ZNF608: variants seen among roughly 807,000 people sequenced by gnomAD.
ZNF608 encodes the protein zinc finger protein 608, also known as renal carcinoma antigen NY-REN-36.
ZNF608 carries 12 observed loss-of-function variants against 109.0 expected under a neutral mutation model. The ratio of observed to expected loss-of-function variants is 0.11; its 90% CI spans 0.07 to 0.18. The LOEUF (loss-of-function observed/expected upper bound fraction) is 0.18, where lower values mean the gene tolerates loss of function less well. Ranked by LOEUF, ZNF608 falls within the 10% of genes least tolerant of loss-of-function variation. ZNF608 has a pLI of 1.00. For missense variants in ZNF608, 1,707 were observed against 1,879.3 expected, an observed-to-expected ratio of 0.91 and a Z score of 1.70; for synonymous variants, 732 against 717.4, an observed-to-expected ratio of 1.02 and a Z score of -0.33.
chr5:124,676,051 G>A (rs756268180), intron 3 of ZNF608, among the ~76,000 whole-genome samples: 7 of 152,298 alleles, frequency 4.6e-5, no homozygotes, highest in Middle Eastern at 6.8e-3. Flanking sequence ...CAGAAGTAGA[G>A]ATGTAGCATT....
At chr5:124,739,416 T>C (rs1405826251) in intron 2 of ZNF608, among the ~76,000 whole-genome samples, 1 of 152,172 alleles carries the variant, frequency 6.6e-6, no homozygotes, top group Non-Finnish European at 1.5e-5. Context: ...CACAGCAATA[T>C]CACACACAAT....
At chr5:124,721,003 AATC>A (rs1753880808) in intron 2 of ZNF608, among the ~76,000 whole-genome samples, 1 of 152,180 alleles carries the variant, frequency 6.6e-6, no homozygotes, top group African/African-American at 2.4e-5. Flanking sequence ...ATAACAAAGA[AATC>A]ATCAGACAAA....
chr5:124,649,794 G>C (rs1750700409), intron 3 of ZNF608, 97 bp from the exon 4 acceptor site: 2 of 580,048 alleles, frequency 3.4e-6, no homozygotes, highest in Non-Finnish European at 5.7e-6. Flanking sequence ...TTGCCAGCAA[G>C]TTCTATTCTC....
chr5:124,682,780 T>C (rs994146209), intron 3 of ZNF608, among the ~76,000 whole-genome samples: 1 of 152,234 alleles, frequency 6.6e-6, no homozygotes, highest in Non-Finnish European at 1.5e-5. Flanking sequence ...AACATGACTG[T>C]GCTGTAGTCA....
intron 2 of ZNF608, among the ~76,000 whole-genome samples, chr5:124,730,882 G>T (rs1293971113): frequency 2.6e-5 from 4 of 152,304 alleles, no homozygotes; most frequent in Admixed American, 1.3e-4. Flanking sequence ...TCGGGGGGTT[G>T]TTTTTTAAAT....
In ZNF608 at chr5:124,644,403, A is replaced by G. The variant is rs1750398614; in HGVS notation, c.3964T>C (p.Trp1322Arg). 1 of 1,614,056 alleles carries G rather than the reference A, an allele frequency of 6.2e-7. No individual in the cohort carries two copies. The highest frequency in any genetic ancestry group is 8.5e-7 in the Non-Finnish European group (1 of 1,180,012). The change falls in exon 6 of 10, where the codon TGG (tryptophan) becomes CGG (arginine). Residue 1322 changes from tryptophan to arginine, a missense_variant. Transcript: ENST00000513986. The stretch of plus-strand genomic sequence containing the variant: ...ACTCTTGTTCCCCGAGAGTCCTTCC[A>G]GTTCACAGGAGTCTTTCGATCATCA... ...KNDDRKTPVNWKDSRGTRVAV... is the reference protein window; with the variant it reads ...KNDDRKTPVNRKDSRGTRVAV...
At chr5:124,644,202 T>C (rs774753861) in intron 6 of ZNF608, 42 bp downstream of exon 6, 1 of 1,504,584 alleles carries the variant, frequency 6.6e-7, no homozygotes, top group South Asian at 1.4e-5. Flanking sequence ...TATTTGAACA[T>C]CGCCTCTTTC....
chr5:124,689,958 C>T (rs1303968485), intron 3 of ZNF608, among the ~76,000 whole-genome samples: 1 of 152,160 alleles, frequency 6.6e-6, no homozygotes. Context: ...TAATTGCCAA[C>T]CTTGGAAGTT....
In ZNF608 at chr5:124,643,648, A is replaced by C. The variant is rs774808688; in HGVS notation, c.4159T>G (p.Tyr1387Asp). 4.3e-6 allele frequency: 7 copies of C among 1,614,080 alleles called. No individual in the cohort carries two copies. In the East Asian group the frequency reaches 1.3e-4, roughly 31 times the overall value. ...YLSPGFHYPV[Y>D]GKMSGREETE... ...TCTTCTCTCCCTGACATCTTCCCAT[A>C]AACAGGATAATGAAATCCTGGAGAG... The change falls in exon 7 of 10, where the codon TAT becomes GAT. Residue 1387 changes from tyrosine to aspartate, a missense_variant. Physicochemically the swap from Tyr to Asp is radical, Grantham distance 160. Around this residue, in one of 7 missense-constraint regions of ZNF608, gnomAD observed 1,073 missense variants for 1,133.5 expected, o/e 0.95. Transcript: ENST00000513986.
chr5:124,675,945 G>A (rs1457181352), intron 3 of ZNF608, among the ~76,000 whole-genome samples: 1 of 152,164 alleles, frequency 6.6e-6, no homozygotes, highest in Non-Finnish European at 1.5e-5. Flanking sequence ...AGGGAGTCAA[G>A]AAATGCCTTT....
chr5:124,650,522 TCAGA>T (rs1247250566), intron 3 of ZNF608, among the ~76,000 whole-genome samples: 4 of 152,230 alleles, frequency 2.6e-5, no homozygotes, highest in Non-Finnish European at 4.4e-5. Flanking sequence ...CAACTGCTTT[TCAGA>T]CAGACAATTT....
In ZNF608 at chr5:124,647,665, T is replaced by C; in HGVS notation, c.2719A>G (p.Ser907Gly). The change falls in exon 5 of 10, where the codon AGC (serine) becomes GGC (glycine). Residue 907 changes from serine to glycine, a missense_variant. By Grantham distance (56) the Ser-to-Gly change is moderately conservative. Coordinates refer to ENST00000513986, the MANE Select transcript of ZNF608 (RefSeq NM_020747.3). ...SIGSASRLECSTLVNGQAPMA... is the reference protein window; with the variant it reads ...SIGSASRLECGTLVNGQAPMA... The stretch of plus-strand genomic sequence containing the variant: ...GGTGCCTGCCCGTTCACCAAAGTGC[T>C]GCATTCCAGCCTCGAGGCGCTCCCT... 6.2e-7 allele frequency: 1 copy of C among 1,614,238 alleles called. No individual in the cohort carries two copies. The highest frequency in any genetic ancestry group is 1.6e-4 in the Middle Eastern group (1 of 6,062).
intron 2 of ZNF608, among the ~76,000 whole-genome samples, chr5:124,703,827 A>T (rs1753152829): frequency 6.6e-6 from 1 of 152,154 alleles, no homozygotes; most frequent in African/African-American, 2.4e-5. Flanking sequence ...TATTGATGAC[A>T]TATCCTATCA....
chr5:124,684,202 T>A (rs1019801861), intron 3 of ZNF608, among the ~76,000 whole-genome samples: 2 of 152,270 alleles, frequency 1.3e-5, no homozygotes, highest in African/African-American at 4.8e-5. Context: ...GATGCTGGCA[T>A]GAAGAGCACC....
Position 124,744,319 on chromosome 5 carries a change from C to A in ZNF608, c.671G>T (p.Gly224Val), listed in dbSNP as rs368776423. The A allele has an allele frequency of 1.7e-5, 27 of 1,614,082 alleles. No individual in the cohort carries two copies. The highest frequency in any genetic ancestry group is 2.2e-5 in the Non-Finnish European group (26 of 1,180,046). The change falls in exon 2 of 10, where the codon GGC becomes GTC. Residue 224 changes from glycine (G) to valine (V), a missense_variant. Physicochemically the swap from Gly to Val is moderately radical, Grantham distance 109. Coordinates refer to ENST00000513986, the MANE Select transcript of ZNF608 (RefSeq NM_020747.3). The surrounding 1 kb of genome is among the most constrained non-coding windows in gnomAD (Gnocchi z 4.5). ...CCCGGAAGGGGCCTGGCTGCCACTG[C>A]CATTCTGGTGGCCCTGAAGCAGGTC... Reference protein sequence around the residue: ...KHDLLQGHQNGSGSQAPSGGH... With the variant: ...KHDLLQGHQNVSGSQAPSGGH...
chr5:124,642,692 C>CTTTTTT (rs755561532), intron 7 of ZNF608, among the ~76,000 whole-genome samples: 83 of 95,270 alleles, frequency 8.7e-4, no homozygotes, highest in African/African-American at 1.1e-3. Flanking sequence ...TTTCTATTGT[C>CTTTTTT]TTTTTTTTTT....
intron 3 of ZNF608, among the ~76,000 whole-genome samples, chr5:124,693,989 T>TTTTTTTTTTTTTTTTTG: frequency 7.9e-6 from 1 of 125,812 alleles, no homozygotes; most frequent in Non-Finnish European, 1.7e-5. Context: ...TTTTTTTTTT[T>TTTTTTTTTTTTTTTTTG]TTTTGAGAGA....
intron 2 of ZNF608, among the ~76,000 whole-genome samples, chr5:124,706,667 A>G (rs1408354414): frequency 6.6e-6 from 1 of 152,220 alleles, no homozygotes; most frequent in African/African-American, 2.4e-5. Context: ...TCATCTTGAT[A>G]GGACACTGAT....
chr5:124,686,093 G>A (rs1005236908), intron 3 of ZNF608, among the ~76,000 whole-genome samples: 1 of 152,162 alleles, frequency 6.6e-6, no homozygotes, highest in Non-Finnish European at 1.5e-5. Context: ...ATTTCCTAGA[G>A]GGTGTATACT....
Sources: gnomAD v4.1 joint callset for allele counts (sites outside exome capture counted in the v4.1 genomes callset) on GRCh38, gnomAD v4.1.1 for gene constraint, gnomAD v4.1.1 regional missense constraint, Gnocchi (gnomAD v3.1) non-coding constraint, MANE v1.5 for transcripts, NCBI Gene and HGNC (gene_info 2026-07-23, HGNC 2026-07-21) for gene names.